The following SCGB2B2 variants were observed in gnomAD, a reference collection of about 807,000 sequenced individuals.
SCGB2B2 encodes the protein secretoglobin-like protein.
Under a neutral mutation model 7.6 loss-of-function variants are expected in SCGB2B2, and 11 were observed. The ratio of observed to expected loss-of-function variants is 1.45; its 90% CI spans 0.91 to 2.40. The LOEUF (loss-of-function observed/expected upper bound fraction) is 2.40. SCGB2B2 is among the 30% of genes most tolerant of loss of function. The pLI, the probability that SCGB2B2 is intolerant of heterozygous loss-of-function variation, is 0.00. For synonymous variants in SCGB2B2, 50 were observed against 48.6 expected, an observed-to-expected ratio of 1.03 and a Z score of -0.12; for missense variants, 104 against 115.4, an observed-to-expected ratio of 0.90 and a Z score of 0.45.
At chr19:34,623,345 G>A (rs2066288153) in intron 1 of SCGB2B2, among the ~76,000 whole-genome samples, 1 of 152,168 alleles carries the variant, frequency 6.6e-6, no homozygotes, top group Non-Finnish European at 1.5e-5. Flanking sequence ...CTTGAAGATG[G>A]GTTGTTAAGT....
At chr19:34,672,125 A>G (rs977191649) in intron 1 of SCGB2B2, among the ~76,000 whole-genome samples, 1 of 151,344 alleles carries the variant, frequency 6.6e-6, no homozygotes, top group African/African-American at 2.5e-5. Flanking sequence ...GGGGTGTAAA[A>G]ATAAATAATT....
the SCGB2B2 span, among the ~76,000 whole-genome samples, chr19:34,585,641 T>TG: frequency 6.6e-6 from 1 of 152,216 alleles, no homozygotes; most frequent in Non-Finnish European, 1.5e-5. Flanking sequence ...TTTTCAAAGA[T>TG]GCTTGGTGGG....
intron 1 of SCGB2B2, among the ~76,000 whole-genome samples, chr19:34,641,198 T>A (rs992103272): frequency 9.2e-5 from 14 of 152,056 alleles, no homozygotes; most frequent in African/African-American, 3.4e-4. Flanking sequence ...AGGAGTACAC[T>A]TTGGTCTCTT....
chr19:34,624,628 G>T (rs1202362726), intron 1 of SCGB2B2, among the ~76,000 whole-genome samples: 3 of 152,224 alleles, frequency 2.0e-5, no homozygotes, highest in African/African-American at 7.2e-5. Context: ...AAGTCTGGAA[G>T]TCCTGGTGGG....
At chr19:34,607,489 C>T (rs554780245) in intron 1 of SCGB2B2, among the ~76,000 whole-genome samples, 126 of 152,348 alleles carry the variant, frequency 8.3e-4, no homozygotes, top group Non-Finnish European at 1.6e-3. Context: ...CTGGATCATA[C>T]GGTAGCTCTA....
chr19:34,650,627 C>T (rs2067139401), intron 1 of SCGB2B2, among the ~76,000 whole-genome samples: 1 of 151,340 alleles, frequency 6.6e-6, no homozygotes, highest in Non-Finnish European at 1.5e-5. Flanking sequence ...TCTCCTATCA[C>T]AGAAAAGTCT....
intron 1 of SCGB2B2, among the ~76,000 whole-genome samples, chr19:34,660,198 C>T (rs907107584): frequency 6.6e-6 from 1 of 152,178 alleles, no homozygotes; most frequent in African/African-American, 2.4e-5. Context: ...AAAACCTAGG[C>T]AATACCATTC....
intron 1 of SCGB2B2, among the ~76,000 whole-genome samples, chr19:34,624,382 A>C (rs112714127): frequency 0.027 from 4,163 of 152,276 alleles, 200 homozygotes; most frequent in African/African-American, 0.093. Context: ...AGTTTAGTTC[A>C]GTTTAGTTTA....
rs148984517 is a variant in SCGB2B2 at position 34,592,147 on chromosome 19, G to A, written c.*1408C>T. On this transcript the variant is annotated 3_prime_UTR_variant, in exon 4 of 4. Transcript: ENST00000601241. ...AACGTGTGACCTGGAGGAGATGACG[G>A]CTGAGGGATGACAAGGAGAATGGGT... 5.9e-5 allele frequency among the ~76,000 whole-genome samples: 9 copies of A among 152,296 alleles called. No individual in the cohort carries two copies. The highest frequency in any genetic ancestry group is 2.2e-4 in the African/African-American group (9 of 41,566).
intron 1 of SCGB2B2, among the ~76,000 whole-genome samples, chr19:34,649,950 G>A (rs1368559001): frequency 6.6e-6 from 1 of 151,140 alleles, no homozygotes; most frequent in Non-Finnish European, 1.5e-5. Context: ...TCTTCTTCAA[G>A]TCAAGGGTGA....
downstream of SCGB2B2, among the ~76,000 whole-genome samples, chr19:34,587,721 G>A (rs552335901): frequency 9.7e-4 from 147 of 152,260 alleles, no homozygotes; most frequent in African/African-American, 3.5e-3. Flanking sequence ...TACTCAGTTT[G>A]TTAAGAGTTT....
intron 1 of SCGB2B2, among the ~76,000 whole-genome samples, chr19:34,615,943 G>T (rs8107193): frequency 0.32 from 47,463 of 150,518 alleles, 8,284 homozygotes; most frequent in Middle Eastern, 0.47. Context: ...GTGGTGTTTG[G>T]TTTTTTGTTC....
intron 1 of SCGB2B2, among the ~76,000 whole-genome samples, chr19:34,663,618 C>T (rs2067525578): frequency 6.6e-6 from 1 of 152,188 alleles, no homozygotes; most frequent in African/African-American, 2.4e-5. Context: ...GAGGAGCTCA[C>T]CATGACCTTT....
chr19:34,644,356 TTTTTTG>T (rs2066930552), intron 1 of SCGB2B2, among the ~76,000 whole-genome samples: 2 of 101,088 alleles, frequency 2.0e-5, no homozygotes, highest in African/African-American at 6.7e-5. Flanking sequence ...TTTTGTTTTT[TTTTTTG>T]TTTTTTTTTT....
chr19:34,673,290 G>C (rs1392381682), intron 1 of SCGB2B2, among the ~76,000 whole-genome samples: 2 of 152,098 alleles, frequency 1.3e-5, no homozygotes, highest in Non-Finnish European at 2.9e-5. Context: ...AATCAGACTT[G>C]CTTATGCCTA....
chr19:34,655,098 C>T (rs747310253), intron 1 of SCGB2B2, among the ~76,000 whole-genome samples: 1 of 151,228 alleles, frequency 6.6e-6, no homozygotes, highest in Non-Finnish European at 1.5e-5. Flanking sequence ...TGGCTGTAAA[C>T]AAAAAATAAA....
At chr19:34,650,438 T>C (rs56141340) in intron 1 of SCGB2B2, among the ~76,000 whole-genome samples, 19,951 of 151,068 alleles carry the variant, frequency 0.13, 1,713 homozygotes, top group East Asian at 0.28. Context: ...TGATTTTCCA[T>C]GGTTAGATTT....
At chr19:34,620,153 C>T (rs188469074) in intron 1 of SCGB2B2, among the ~76,000 whole-genome samples, 1 of 152,222 alleles carries the variant, frequency 6.6e-6, no homozygotes, top group South Asian at 2.1e-4. Flanking sequence ...ATATAATAAT[C>T]TTTTCTTAAT....
chr19:34,626,950 TATTCA>T (rs1242449840), intron 1 of SCGB2B2, among the ~76,000 whole-genome samples: 1 of 152,198 alleles, frequency 6.6e-6, no homozygotes, highest in Non-Finnish European at 1.5e-5. Flanking sequence ...TGGGGGCCAA[TATTCA>T]ACATTCCTAA....
Sources: allele counts gnomAD v4.1 joint callset (sites outside exome capture counted in the v4.1 genomes callset), GRCh38; gene constraint gnomAD v4.1.1; transcripts MANE v1.5; gene names NCBI Gene and HGNC (gene_info 2026-07-23, HGNC 2026-07-21).